TSPAN13: variants seen among roughly 807,000 people sequenced by gnomAD.
TSPAN13 encodes tetraspanin 13.
TSPAN13 carries 18 observed loss-of-function variants against 26.9 expected under a neutral mutation model. The ratio of observed to expected loss-of-function variants is 0.67; its 90% CI spans 0.46 to 0.99. The LOEUF (loss-of-function observed/expected upper bound fraction) is 0.99, where lower values mean the gene tolerates loss of function less well. TSPAN13 is among the 50% of genes least tolerant of loss of function. TSPAN13 has a pLI of 0.00. For synonymous variants in TSPAN13, 116 were observed against 98.4 expected (o/e 1.18, Z -1.06); for missense variants, 201 against 249.6 (o/e 0.81, Z 1.31).
Position 16,777,167 on chromosome 7 carries a change from T to G in TSPAN13, c.312+45T>G, listed in dbSNP as rs1349241391. 2.9e-6 allele frequency: 4 copies of G among 1,371,362 alleles called. 1 individual carries two copies. In the South Asian group the frequency reaches 3.5e-5, roughly 12 times the overall value. 84.9% of individuals were successfully genotyped at this position (1,371,362 alleles called of 1,614,324 possible). A position where few individuals can be genotyped will look rare whatever the true frequency, so the allele number is the denominator to read the frequency against. ...TTCTACTTTATTATACCACATAGCA[T>G]GAGTATGAAAAAAAGGAGGGTAATG... is the stretch of plus-strand genomic sequence containing the variant. On this transcript the variant is annotated intron_variant, in intron 3 of 5. Transcript: ENST00000262067.
intron 4 of TSPAN13, among the ~76,000 whole-genome samples, chr7:16,778,684 ATCTC>A (rs1214823721): frequency 2.6e-5 from 4 of 152,218 alleles, no homozygotes; most frequent in Non-Finnish European, 5.9e-5. Context: ...CACTGTGAGA[ATCTC>A]TCCATTCTGT....
At position 16,783,688 on chromosome 7, in the gene TSPAN13, G is replaced by A. The variant is rs1456416569; in HGVS notation, c.*197G>A. 1.7e-6 allele frequency: 1 copy of A among 593,730 alleles called. No individual in the cohort carries two copies. The highest frequency in any genetic ancestry group is 2.9e-6 in the Non-Finnish European group (1 of 344,462). The allele number at this position is 593,730 out of a possible 1,614,324, so 36.8% of individuals were successfully genotyped here. A position where few individuals can be genotyped will look rare whatever the true frequency, so the allele number is the denominator to read the frequency against. On this transcript the variant is annotated 3_prime_UTR_variant, in exon 6 of 6. Coordinates refer to ENST00000262067, the MANE Select transcript of TSPAN13 (RefSeq NM_014399.4). ...CGTTGCTGAAAAATATTTGAAACTT[G>A]TGGTCTCTGAAGCTCGGTGGCACCT...
Position 16,777,139 on chromosome 7 carries a change from T to C in TSPAN13, c.312+17T>C, listed in dbSNP as rs749842823. The C allele has an allele frequency of 6.3e-7, 1 of 1,577,610 alleles. No homozygotes were observed. Among genetic ancestry groups the C allele is most frequent in the Non-Finnish European group, 8.7e-7 (1 of 1,147,626 alleles). ...GAGCAACAGGTAAGCTAAGACTTTT[T>C]TCTTCTACTTTATTATACCACATAG... On this transcript the variant is annotated intron_variant, in intron 3 of 5. Transcript: ENST00000262067.
intron 5 of TSPAN13, 138 bp from the exon 6 acceptor site, chr7:16,783,279 A>C (rs1232435305): frequency 2.4e-6 from 2 of 831,018 alleles, no homozygotes. Context: ...CATTTCAAAA[A>C]GAAAAAAAAT....
intron 5 of TSPAN13, among the ~76,000 whole-genome samples, chr7:16,780,074 T>C (rs10240631): frequency 0.058 from 8,821 of 151,862 alleles, 872 homozygotes; most frequent in African/African-American, 0.2. Context: ...CCTGGCCTAG[T>C]ATTCATTTTT....
At chr7:16,760,696 C>G (rs1334721455) in intron 1 of TSPAN13, among the ~76,000 whole-genome samples, 1 of 152,038 alleles carries the variant, frequency 6.6e-6, no homozygotes, top group Non-Finnish European at 1.5e-5. Context: ...GAGGAACATT[C>G]AGCAAGGGAG....
intron 1 of TSPAN13, among the ~76,000 whole-genome samples, chr7:16,765,329 C>G (rs1433690540): frequency 6.6e-6 from 1 of 152,080 alleles, no homozygotes; most frequent in Non-Finnish European, 1.5e-5. Flanking sequence ...TTTCGAGCTA[C>G]CTGGGTTCAA....
At chr7:16,782,699 T>C (rs1368879214) in intron 5 of TSPAN13, among the ~76,000 whole-genome samples, 1 of 152,180 alleles carries the variant, frequency 6.6e-6, no homozygotes, top group African/African-American at 2.4e-5. Context: ...ATTTATTCAT[T>C]TTAAGATTTT....
chr7:16,778,074 C>T (rs572735293), intron 4 of TSPAN13, among the ~76,000 whole-genome samples, 163 bp downstream of exon 4: 4 of 152,280 alleles, frequency 2.6e-5, no homozygotes, highest in Admixed American at 6.5e-5. Context: ...TTTGCCTGTT[C>T]TCAAATACCC....
chr7:16,760,729 G>T (rs1784533320), intron 1 of TSPAN13, among the ~76,000 whole-genome samples: 2 of 152,164 alleles, frequency 1.3e-5, no homozygotes, highest in Non-Finnish European at 2.9e-5. Flanking sequence ...TGGCCAGTCA[G>T]GTAGGAGGAA....
chr7:16,775,713 G>T (rs1239328758), intron 1 of TSPAN13: 1 of 152,562 alleles, frequency 6.6e-6, no homozygotes, highest in Non-Finnish European at 1.5e-5. Context: ...AGAGAACCGT[G>T]TTCCAGTAAC....
chr7:16,774,073 GA>G (rs1190049528), intron 1 of TSPAN13, among the ~76,000 whole-genome samples: 1 of 152,198 alleles, frequency 6.6e-6, no homozygotes, highest in Non-Finnish European at 1.5e-5. Flanking sequence ...TCCATCATGT[GA>G]GTGGGCCTTA....
intron 1 of TSPAN13, among the ~76,000 whole-genome samples, chr7:16,755,751 TA>T (rs1295408785): frequency 6.6e-6 from 1 of 152,164 alleles, no homozygotes; most frequent in Non-Finnish European, 1.5e-5. Context: ...TAATCTTTTT[TA>T]AAAAGGCAAG....
chr7:16,762,988 T>G (rs142158148), intron 1 of TSPAN13, among the ~76,000 whole-genome samples: 184 of 152,268 alleles, frequency 1.2e-3, no homozygotes, highest in African/African-American at 4.2e-3. Flanking sequence ...TCAAGACCCC[T>G]GAAAATCTCC....
Position 16,754,281 on chromosome 7 carries a change from A to T in TSPAN13, c.63+251A>T, listed in dbSNP as rs370315241. ...GGCTCGCTGGCCGCGTCTCTGCCAC[A>T]TTGCTCCACCCCGCCCCCTCACCCA... On this transcript the variant is annotated intron_variant, in intron 1 of 5. Coordinates refer to ENST00000262067, the MANE Select transcript of TSPAN13 (RefSeq NM_014399.4). Among the ~76,000 whole-genome samples, 430 of 152,090 alleles carry T rather than the reference A, an allele frequency of 2.8e-3. 2 individuals are homozygous for T. Among genetic ancestry groups the T allele is most frequent in the Non-Finnish European group, 4.3e-3 (295 of 67,986 alleles).
At position 16,783,573 on chromosome 7, in the gene TSPAN13, T is replaced by G. The variant is rs920284549; in HGVS notation, c.*82T>G. On this transcript the variant is annotated 3_prime_UTR_variant, in exon 6 of 6. Coordinates refer to ENST00000262067, the MANE Select transcript of TSPAN13 (RefSeq NM_014399.4). ...TTCTGTTAAGCTCCATTTGCCAGTT[T>G]AAGGAAGGAAACACTATCTGGAAAA... 1 of 1,317,486 alleles carries G rather than the reference T, an allele frequency of 7.6e-7. No individual in the cohort carries two copies. Among genetic ancestry groups the G allele is most frequent in the African/African-American group, 1.4e-5 (1 of 69,438 alleles). 81.6% of individuals were successfully genotyped at this position (1,317,486 alleles called of 1,614,324 possible).
Position 16,772,359 on chromosome 7 carries a change from C to A in TSPAN13, c.64-3852C>A, listed in dbSNP as rs140605025. Among the ~76,000 whole-genome samples, 4 of 152,308 alleles carry A rather than the reference C, an allele frequency of 2.6e-5. No individual in the cohort carries two copies. In the East Asian group the frequency reaches 5.8e-4, roughly 22 times the overall value. Reference sequence around the variant, plus strand: ...CTAGGACTGCTGTAGCAAATTACCACGAACATGGTGACTCAAAATAACAGA... The same window carrying A: ...CTAGGACTGCTGTAGCAAATTACCAAGAACATGGTGACTCAAAATAACAGA... On this transcript the variant is annotated intron_variant, in intron 1 of 5. Transcript: ENST00000262067.
intron 1 of TSPAN13, among the ~76,000 whole-genome samples, chr7:16,773,030 A>G (rs1435212295): frequency 6.6e-6 from 1 of 151,948 alleles, no homozygotes; most frequent in Non-Finnish European, 1.5e-5. Context: ...TAAATAAATA[A>G]TAAATACTTA....
At position 16,777,197 on chromosome 7, in the gene TSPAN13, G is replaced by C. The variant is rs1218218458; in HGVS notation, c.312+75G>C. On this transcript the variant is annotated intron_variant, in intron 3 of 5. Coordinates refer to ENST00000262067, the MANE Select transcript of TSPAN13 (RefSeq NM_014399.4). Reference sequence around the variant, plus strand: ...ATGAAAAAAAGGAGGGTAATGATTAGAATATAAAATAATTTCGTCTTGCAC... The same window carrying C: ...ATGAAAAAAAGGAGGGTAATGATTACAATATAAAATAATTTCGTCTTGCAC... 3.6e-6 allele frequency: 4 copies of C among 1,112,422 alleles called. No homozygotes were observed. In the African/African-American group the frequency reaches 6.2e-5, roughly 17 times the overall value. The allele number at this position is 1,112,422 out of a possible 1,614,324, so 68.9% of individuals were successfully genotyped here. A position where few individuals can be genotyped will look rare whatever the true frequency, so the allele number is the denominator to read the frequency against.
Sources: allele counts gnomAD v4.1 joint callset (sites outside exome capture counted in the v4.1 genomes callset), GRCh38; gene constraint gnomAD v4.1.1; transcripts MANE v1.5; gene names NCBI Gene and HGNC (gene_info 2026-07-23, HGNC 2026-07-21).